Variants in NIBAN1 observed in about 807,000 individuals in gnomAD.
NIBAN1 encodes the protein protein Niban 1.
Under a neutral mutation model 75.1 loss-of-function variants are expected in NIBAN1, and 81 were observed. The observed-to-expected ratio is 1.08, with a 90% CI of 0.90 to 1.30. The LOEUF (loss-of-function observed/expected upper bound fraction) is 1.30. Ranked by LOEUF, NIBAN1 falls within the 50% of genes most tolerant of loss-of-function variation. The pLI is 0.00. For synonymous variants in NIBAN1, 436 were observed against 424.8 expected (o/e 1.03, Z -0.32); for missense variants, 1,133 against 1,128.1 (o/e 1.00, Z -0.06).
intron 5 of NIBAN1, among the ~76,000 whole-genome samples, chr1:184,838,138 T>C (rs947953241): frequency 6.6e-6 from 1 of 152,234 alleles, no homozygotes; most frequent in Non-Finnish European, 1.5e-5. Flanking sequence ...TAAATCCTTA[T>C]ACCTTTTTCA....
rs563116573 is a variant in NIBAN1 at position 184,817,443 on chromosome 1, G to A, written c.1173+1195C>T. 5.3e-5 allele frequency among the ~76,000 whole-genome samples: 8 copies of A among 152,270 alleles called. No individual in the cohort carries two copies. The East Asian group carries it at 1.2e-3, about 22-fold the overall frequency. On this transcript the variant is annotated intron_variant, in intron 9 of 13. Coordinates refer to ENST00000367511, the MANE Select transcript of NIBAN1 (RefSeq NM_052966.4). Reference sequence around the variant, plus strand: ...TCTAGTTCTAGATCCCTGAGGAATCGCCACACTGTCTTCCACAATGGTTGA... The same window carrying A: ...TCTAGTTCTAGATCCCTGAGGAATCACCACACTGTCTTCCACAATGGTTGA...
intron 9 of NIBAN1, among the ~76,000 whole-genome samples, chr1:184,810,823 T>C (rs975934417): frequency 2.0e-5 from 3 of 152,196 alleles, no homozygotes; most frequent in Non-Finnish European, 4.4e-5. Context: ...GTAAACTCCT[T>C]TAAATTTAAT....
intron 1 of NIBAN1, among the ~76,000 whole-genome samples, chr1:184,907,711 C>T (rs73050676): frequency 2.4e-4 from 36 of 152,022 alleles, no homozygotes; most frequent in Non-Finnish European, 3.7e-4. Context: ...CCTTAGAGAA[C>T]GGGGATAAAT....
Position 184,823,758 on chromosome 1 carries a change from C to G in NIBAN1, c.718-16G>C. 1 of 1,611,980 alleles carries G rather than the reference C, an allele frequency of 6.2e-7. No homozygotes were observed. Among genetic ancestry groups the G allele is most frequent in the South Asian group, 1.1e-5 (1 of 91,022 alleles). ...TACTCAGGATCTGCGCAGCAGAAGA[C>G]AGCCCAGAGTCGGTCAGTCGGTGAT... On this transcript the variant is annotated splice_polypyrimidine_tract_variant and intron_variant, in intron 6 of 13. Coordinates refer to ENST00000367511, the MANE Select transcript of NIBAN1 (RefSeq NM_052966.4).
chr1:184,909,501 G>T (rs1657186128), intron 1 of NIBAN1, among the ~76,000 whole-genome samples: 1 of 152,148 alleles, frequency 6.6e-6, no homozygotes, highest in Admixed American at 6.6e-5. Context: ...TAACAGTAAG[G>T]AATGAACTTG....
chr1:184,870,380 TG>T (rs1011716428), intron 5 of NIBAN1, among the ~76,000 whole-genome samples: 2 of 152,224 alleles, frequency 1.3e-5, no homozygotes, highest in African/African-American at 4.8e-5. Context: ...TCTTGATGAC[TG>T]AGGTTTGTTT....
intron 5 of NIBAN1, among the ~76,000 whole-genome samples, chr1:184,884,058 C>T (rs1232068908): frequency 6.6e-6 from 1 of 152,044 alleles, no homozygotes; most frequent in African/African-American, 2.4e-5. Flanking sequence ...CAGAATGTGA[C>T]ACCCCCCAAC....
intron 1 of NIBAN1, among the ~76,000 whole-genome samples, chr1:184,924,879 T>C (rs1657644501): frequency 6.6e-6 from 1 of 152,170 alleles, no homozygotes; most frequent in Non-Finnish European, 1.5e-5. Flanking sequence ...TTGTAATGTT[T>C]CCATTTTCAG....
At chr1:184,868,523 C>T (rs913180753) in intron 5 of NIBAN1, 2 of 152,084 alleles carry the variant, frequency 1.3e-5, no homozygotes, top group African/African-American at 4.8e-5. Context: ...ACACAGTTTA[C>T]CACAGGAACA....
chr1:184,863,525 A>G (rs1159495321), intron 5 of NIBAN1, among the ~76,000 whole-genome samples: 1 of 152,242 alleles, frequency 6.6e-6, no homozygotes, highest in African/African-American at 2.4e-5. Context: ...TCCCAGAAGC[A>G]AGCAACTGCA....
chr1:184,907,841 G>A (rs189774402), intron 1 of NIBAN1, among the ~76,000 whole-genome samples: 4 of 152,196 alleles, frequency 2.6e-5, no homozygotes, highest in Admixed American at 6.6e-5. Context: ...AATGATTCAC[G>A]GATAGCCTTG....
At position 184,806,656 on chromosome 1, in the gene NIBAN1, G is replaced by A. The variant is rs1394264960; in HGVS notation, c.1336-600C>T. Among the ~76,000 whole-genome samples the A allele has an allele frequency of 2.0e-5, 3 of 151,812 alleles. No individual in the cohort carries two copies. In the South Asian group the frequency reaches 6.2e-4, roughly 32 times the overall value. On this transcript the variant is annotated intron_variant, in intron 10 of 13. Coordinates refer to ENST00000367511, the MANE Select transcript of NIBAN1 (RefSeq NM_052966.4). ...CCTCTTTCATCCCTCACAACTCAAGGGTTAGTTAGCTAAAATGTATCACTT... is the reference window on the plus strand; with the variant it reads ...CCTCTTTCATCCCTCACAACTCAAGAGTTAGTTAGCTAAAATGTATCACTT...
intron 6 of NIBAN1, among the ~76,000 whole-genome samples, chr1:184,831,180 C>T (rs1481446569): frequency 2.0e-5 from 3 of 152,102 alleles, no homozygotes; most frequent in Non-Finnish European, 2.9e-5. Flanking sequence ...CACTGAAGTG[C>T]TTAGGCCATG....
At chr1:184,805,890 G>T in intron 11 of NIBAN1, 56 bp downstream of exon 11, 1 of 1,405,830 alleles carries the variant, frequency 7.1e-7, no homozygotes, top group Non-Finnish European at 1.0e-6. Context: ...CTTTACAAAA[G>T]AAACAGGGGT....
At chr1:184,919,854 T>C (rs1657483796) in intron 1 of NIBAN1, among the ~76,000 whole-genome samples, 1 of 151,636 alleles carries the variant, frequency 6.6e-6, no homozygotes. Flanking sequence ...CAAAAAAAAA[T>C]TGTTTTTAAT....
chr1:184,899,473 T>C (rs919975292), intron 1 of NIBAN1, among the ~76,000 whole-genome samples, 164 bp from the exon 2 acceptor site: 1 of 152,148 alleles, frequency 6.6e-6, no homozygotes, highest in African/African-American at 2.4e-5. Flanking sequence ...GCCAGTAGTC[T>C]GTCTTCCCGG....
At chr1:184,868,158 C>A in intron 5 of NIBAN1, 1 of 574,934 alleles carries the variant, frequency 1.7e-6, no homozygotes, top group Non-Finnish European at 2.2e-6. Flanking sequence ...TTTTTTACCT[C>A]CTTTTCTAAG....
intron 3 of NIBAN1, 112 bp downstream of exon 3, chr1:184,893,962 TA>T: frequency 9.2e-7 from 1 of 1,092,132 alleles, no homozygotes; most frequent in Non-Finnish European, 1.3e-6. Flanking sequence ...TTTGTACCAG[TA>T]CCATGCTGAT....
Position 184,823,345 on chromosome 1 carries a change from A to G in NIBAN1, c.823-16T>C. 6.2e-7 allele frequency: 1 copy of G among 1,613,594 alleles called. No homozygotes were observed. Among genetic ancestry groups the G allele is most frequent in the East Asian group, 2.2e-5 (1 of 44,880 alleles). On this transcript the variant is annotated splice_polypyrimidine_tract_variant and intron_variant, in intron 7 of 13. Transcript: ENST00000367511. ...CCTCGAGGAGCTGCAACAAGGAATAACACATAAATCAGGGCTCTGTCACGT... is the reference window on the plus strand; with the variant it reads ...CCTCGAGGAGCTGCAACAAGGAATAGCACATAAATCAGGGCTCTGTCACGT...
Sources: allele counts gnomAD v4.1 joint callset (sites outside exome capture counted in the v4.1 genomes callset), GRCh38; gene constraint gnomAD v4.1.1; transcripts MANE v1.5; gene names NCBI Gene and HGNC (gene_info 2026-07-23, HGNC 2026-07-21).